EIF3A: variants seen among roughly 807,000 people sequenced by gnomAD.
EIF3A encodes EIF3, p180 subunit.
Under a neutral mutation model 186.6 loss-of-function variants are expected in EIF3A, and 21 were observed. That is an observed-to-expected ratio of 0.11 (90% CI 0.08 to 0.16). EIF3A has a LOEUF of 0.16. EIF3A is among the 10% of genes least tolerant of loss of function. The pLI is 1.00. For missense variants in EIF3A, 1,306 were observed against 1,796.3 expected, an observed-to-expected ratio of 0.73 and a Z score of 4.93; for synonymous variants, 563 against 584.3, an observed-to-expected ratio of 0.96 and a Z score of 0.52.
chr10:119,049,730 CAAG>C (rs1848331311), intron 17 of EIF3A, 68 bp downstream of exon 17: 1 of 1,392,000 alleles, frequency 7.2e-7, no homozygotes, highest in African/African-American at 1.4e-5. Flanking sequence ...GGCGACAGAG[CAAG>C]ACTGTGCCTC....
intron 14 of EIF3A, among the ~76,000 whole-genome samples, chr10:119,054,772 G>C (rs1848402028): frequency 6.6e-6 from 1 of 151,610 alleles, no homozygotes; most frequent in Admixed American, 6.6e-5. Context: ...AACTTGATTA[G>C]TGCAAGAGGC....
intron 1 of EIF3A, among the ~76,000 whole-genome samples, chr10:119,077,482 AG>A (rs1380416057): frequency 7.2e-5 from 11 of 152,118 alleles, no homozygotes; most frequent in Non-Finnish European, 1.5e-5. Context: ...GAATGGGAAC[AG>A]ATTTTTCATA....
At chr10:119,078,660 G>C (rs1293013583) in intron 1 of EIF3A, among the ~76,000 whole-genome samples, 1 of 152,052 alleles carries the variant, frequency 6.6e-6, no homozygotes, top group African/African-American at 2.4e-5. Context: ...AGGGCTGCAA[G>C]GGACCACAGT....
chr10:119,078,668 A>G (rs1289554060), intron 1 of EIF3A, among the ~76,000 whole-genome samples: 4 of 152,128 alleles, frequency 2.6e-5, no homozygotes, highest in Non-Finnish European at 4.4e-5. Context: ...AAGGGACCAC[A>G]GTCTTTTTTA....
chr10:119,037,813 C>CA (rs779209274), intron 20 of EIF3A, among the ~76,000 whole-genome samples: 1 of 151,066 alleles, frequency 6.6e-6, no homozygotes, highest in Non-Finnish European at 1.5e-5. Context: ...AACGGACTGA[C>CA]AAAGATGGCT....
Position 119,038,254 on chromosome 10 carries a change from G to C in EIF3A, c.3712C>G (p.Arg1238Gly). ...DRERDVDRED[R>G]FRRPRDEGGW... is the part of the protein sequence containing the mutation. ...GCATCACACCTAGGTCTTCTGAAGC[G>C]ATCCTCTCGATCCACATCTCTCTCT... Residue 1238 changes from arginine (R) to glycine (G), a missense_variant, in exon 20 of 22, where the codon CGC (arginine) becomes GGC (glycine). Transcript: ENST00000369144. 1 of 1,613,824 alleles carries C rather than the reference G, an allele frequency of 6.2e-7. No individual in the cohort carries two copies. Among genetic ancestry groups the C allele is most frequent in the Non-Finnish European group, 8.5e-7 (1 of 1,179,862 alleles).
chr10:119,074,753 G>A (rs1844132936), intron 1 of EIF3A, among the ~76,000 whole-genome samples: 1 of 151,236 alleles, frequency 6.6e-6, no homozygotes, highest in Non-Finnish European at 1.5e-5. Context: ...AACCAAAATG[G>A]AGAAACCAAG....
chr10:119,037,544 G>A (rs1234009056), intron 20 of EIF3A, among the ~76,000 whole-genome samples: 4 of 152,086 alleles, frequency 2.6e-5, no homozygotes, highest in Non-Finnish European at 4.4e-5. Context: ...AAAGTAAAAC[G>A]GAGATATTTC....
chr10:119,036,311 A>AG lies in EIF3A; in HGVS notation c.3920-44_3920-43insC, dbSNP rs1848129842. 6.0e-6 allele frequency: 8 copies of AG among 1,333,546 alleles called. No individual in the cohort carries two copies. The East Asian group carries it at 1.7e-4, about 29-fold the overall frequency. 82.6% of individuals were successfully genotyped at this position (1,333,546 alleles called of 1,614,324 possible). On this transcript the variant is annotated intron_variant, in intron 21 of 21. Coordinates refer to ENST00000369144, the MANE Select transcript of EIF3A (RefSeq NM_003750.4). The stretch of plus-strand genomic sequence containing the variant: ...AAAAAAAAAATTAAGTTAGTACTAT[A>AG]TTCTATTGGCTCAAATTACTCAAAA...
intron 18 of EIF3A, 141 bp downstream of exon 18, chr10:119,043,913 C>T: frequency 4.5e-6 from 3 of 671,284 alleles, no homozygotes; most frequent in East Asian, 2.7e-5. Flanking sequence ...AAACAAAATA[C>T]AAACCCACAC....
chr10:119,069,230 G>T (rs1421168026), intron 6 of EIF3A, among the ~76,000 whole-genome samples: 1 of 151,912 alleles, frequency 6.6e-6, no homozygotes, highest in Non-Finnish European at 1.5e-5. Flanking sequence ...CACAACTGGC[G>T]GTGGTTGCTA....
At chr10:119,073,180 G>A in intron 3 of EIF3A, 127 bp from the exon 4 acceptor site, 1 of 874,182 alleles carries the variant, frequency 1.1e-6, no homozygotes, top group Non-Finnish European at 1.7e-6. Flanking sequence ...CACTGCAAAG[G>A]TGTCACTATC....
chr10:119,056,129 G>C (rs1162473943), intron 14 of EIF3A, among the ~76,000 whole-genome samples: 1 of 152,120 alleles, frequency 6.6e-6, no homozygotes, highest in East Asian at 1.9e-4. Context: ...AAGTAGATCT[G>C]CTTACTCACT....
intron 4 of EIF3A, among the ~76,000 whole-genome samples, chr10:119,072,028 A>T (rs1589696078): frequency 8.1e-6 from 1 of 123,394 alleles, no homozygotes; most frequent in South Asian, 2.3e-4. Flanking sequence ...CTGTCTCAAA[A>T]AAAAAAAAAA....
rs199981646 is a variant in EIF3A, at chr10:119,042,248, C to T, written c.3272G>A (p.Arg1091Gln). The T allele has an allele frequency of 3.9e-5, 63 of 1,613,190 alleles. No individual in the cohort carries two copies. The highest frequency in any genetic ancestry group is 4.7e-5 in the Non-Finnish European group (55 of 1,179,434). Residue 1091 changes from arginine to glutamine, a missense_variant, in exon 19 of 22, where the codon CGA becomes CAA. Physicochemically the swap from Arg to Gln is conservative, Grantham distance 43. Transcript: ENST00000369144. The surrounding 1 kb of genome is among the most constrained non-coding windows in gnomAD (Gnocchi z 7.8). ...GGGACCCCGGTCATCATCCATGCCTCGCCTGGGACCCCGGTCATCATCCAT... is the reference window on the plus strand; with the variant it reads ...GGGACCCCGGTCATCATCCATGCCTTGCCTGGGACCCCGGTCATCATCCAT... ...RGMDDDRGPR[R>Q]GMDDDRGPRR...
intron 1 of EIF3A, among the ~76,000 whole-genome samples, chr10:119,074,986 T>TTC (rs1844141656): frequency 7.0e-6 from 1 of 143,796 alleles, no homozygotes; most frequent in Non-Finnish European, 1.5e-5. Flanking sequence ...TTTTTTTTCT[T>TTC]TTTTTTTTTT....
rs201904104 is a variant in EIF3A, at chr10:119,049,822, G to A, written c.2637C>T (p.Gly879=). The stretch of plus-strand genomic sequence containing the variant: ...TCACCTTTCTAGAAAGGGAACTATC[G>A]CCAAGTCTTCTCTCTTCCTCTCTAC... ...ERRREEERRL[G]DSSLSRKDSR... The change falls in exon 17 of 22, where the codon GGC becomes GGT. Residue 879 remains glycine, a synonymous_variant. Coordinates refer to ENST00000369144, the MANE Select transcript of EIF3A (RefSeq NM_003750.4). The A allele has an allele frequency of 1.1e-4, 178 of 1,613,450 alleles. No individual in the cohort carries two copies. Among genetic ancestry groups the A allele is most frequent in the South Asian group, 1.8e-4 (16 of 91,068 alleles).
At chr10:119,069,968 T>C (rs1350104024) in intron 5 of EIF3A, among the ~76,000 whole-genome samples, 1 of 152,184 alleles carries the variant, frequency 6.6e-6, no homozygotes, top group African/African-American at 2.4e-5. Flanking sequence ...AACAGGTTAT[T>C]TCTGAGTGAT....
Position 119,080,744 on chromosome 10 carries a change from G to T in EIF3A, c.-68C>A, listed in dbSNP as rs1470299448. Reference sequence around the variant, plus strand: ...AGTGGCCCGGGCCGGGAGAGGAGACGAAGGGGAACCAGCGTAAGGTCCCAC... The same window carrying T: ...AGTGGCCCGGGCCGGGAGAGGAGACTAAGGGGAACCAGCGTAAGGTCCCAC... On this transcript the variant is annotated 5_prime_UTR_variant, in exon 1 of 22. Transcript: ENST00000369144. 18 of 1,541,014 alleles carry T rather than the reference G, an allele frequency of 1.2e-5. No homozygotes were observed. The highest frequency in any genetic ancestry group is 2.5e-5 in the East Asian group (1 of 39,374).
Sources: gnomAD v4.1 joint callset for allele counts (sites outside exome capture counted in the v4.1 genomes callset) on GRCh38, gnomAD v4.1.1 for gene constraint, Gnocchi (gnomAD v3.1) non-coding constraint, MANE v1.5 for transcripts, NCBI Gene and HGNC (gene_info 2026-07-23, HGNC 2026-07-21) for gene names.